Variants in ATP5PF observed in about 807,000 individuals in gnomAD.
The protein encoded by ATP5PF is ATP synthase peripheral stalk subunit F6, mitochondrial.
In ATP5PF, 7 loss-of-function variants were observed where a neutral mutation model predicts 12.0. That is an observed-to-expected ratio of 0.58 (90% CI 0.33 to 1.10). The LOEUF (loss-of-function observed/expected upper bound fraction) is 1.10, where lower values mean the gene tolerates loss of function less well. ATP5PF is among the 50% of genes least tolerant of loss of function. The probability of loss-of-function intolerance (pLI) is 0.03; values close to 1 mark genes in which losing one functional copy is unlikely to be tolerated. For synonymous variants in ATP5PF, 41 were observed against 45.4 expected, an observed-to-expected ratio of 0.90 and a Z score of 0.39; for missense variants, 120 against 127.7, an observed-to-expected ratio of 0.94 and a Z score of 0.29.
intron 3 of ATP5PF, chr21:25,725,016 A>G (rs2034578519): frequency 1.5e-6 from 1 of 664,296 alleles, no homozygotes; most frequent in African/African-American, 1.9e-5. Flanking sequence ...TCGATTTCAG[A>G]TCCCCACCAT....
upstream of ATP5PF, chr21:25,735,272 CTG>C (rs1454447852): frequency 2.2e-5 from 10 of 448,588 alleles, no homozygotes; most frequent in Non-Finnish European, 3.3e-5. Flanking sequence ...GAAAGTGAGA[CTG>C]TGTAAAACAA....
intron 1 of ATP5PF, 44 bp from the exon 2 acceptor site, chr21:25,729,845 T>A: frequency 2.5e-6 from 4 of 1,576,932 alleles, no homozygotes; most frequent in Non-Finnish European, 3.5e-6. Flanking sequence ...ATACTTATTA[T>A]AAATCACCTC....
intron 2 of ATP5PF, among the ~76,000 whole-genome samples, chr21:25,728,587 C>A (rs778892850): frequency 2.6e-4 from 40 of 152,128 alleles, no homozygotes; most frequent in Non-Finnish European, 4.6e-4. Context: ...CTGAAGGCCT[C>A]CTGTGGGTTT....
At chr21:25,726,976 T>C (rs780335029) in intron 2 of ATP5PF, among the ~76,000 whole-genome samples, 3 of 152,268 alleles carry the variant, frequency 2.0e-5, no homozygotes, top group Non-Finnish European at 4.4e-5. Context: ...TCTTTTAGAT[T>C]AGCACTGTCC....
chr21:25,731,558 C>CTTT (rs901459950), intron 1 of ATP5PF, among the ~76,000 whole-genome samples: 1 of 142,392 alleles, frequency 7.0e-6, no homozygotes. Flanking sequence ...CTAATTTTTA[C>CTTT]TTTTTTTTTT....
At chr21:25,735,524 G>C (rs2035012632), upstream of ATP5PF, 1 of 153,644 alleles carries the variant, frequency 6.5e-6, no homozygotes. Context: ...CGCCGCTGCC[G>C]TTCTCAGCCG....
At chr21:25,729,942 TCTC>T (rs1229918276) in intron 1 of ATP5PF, 141 bp from the exon 2 acceptor site, 8 of 972,356 alleles carry the variant, frequency 8.2e-6, no homozygotes, top group Admixed American at 3.0e-5. Flanking sequence ...ACAGTTCCCT[TCTC>T]CTCCTTATTC....
At chr21:25,733,514 G>A (rs1286954048) in intron 1 of ATP5PF, among the ~76,000 whole-genome samples, 7 of 151,796 alleles carry the variant, frequency 4.6e-5, no homozygotes, top group South Asian at 4.2e-4. Context: ...GCGACAGAGC[G>A]AGACTCTGTC....
rs368172603 is a variant in ATP5PF, at chr21:25,729,697, T to C, written c.98A>G (p.Asn33Ser). The change falls in exon 2 of 4, where the codon AAT becomes AGT. Residue 33 changes from asparagine (N) to serine (S), a missense_variant. Transcript: ENST00000284971. Reference protein sequence around the residue: ...RNIGVTAVAFNKELDPIQKLF... With the variant: ...RNIGVTAVAFSKELDPIQKLF... The stretch of plus-strand genomic sequence containing the variant: ...TTTCTGTATAGGATCAAGTTCCTTA[T>C]TAAATGCCACTGCTGTAACACCAAT... 1 of 1,613,982 alleles carries C rather than the reference T, an allele frequency of 6.2e-7. No homozygotes were observed. Among genetic ancestry groups the C allele is most frequent in the Non-Finnish European group, 8.5e-7 (1 of 1,179,984 alleles).
chr21:25,732,939 G>C (rs7280688), intron 1 of ATP5PF, among the ~76,000 whole-genome samples: 3 of 119,270 alleles, frequency 2.5e-5, no homozygotes, highest in African/African-American at 9.4e-5. Flanking sequence ...CCGAGATCGC[G>C]CCACTGCACT....
At chr21:25,731,246 GA>G (rs1262493138) in intron 1 of ATP5PF, among the ~76,000 whole-genome samples, 1 of 150,822 alleles carries the variant, frequency 6.6e-6, no homozygotes, top group African/African-American at 2.4e-5. Flanking sequence ...GTCTCAAAAA[GA>G]AAAAAAAGGA....
upstream of ATP5PF, chr21:25,735,090 CT>C (rs2034983367): frequency 5.9e-6 from 5 of 844,468 alleles, no homozygotes; most frequent in Middle Eastern, 2.2e-4. Flanking sequence ...TCCGGGTCCC[CT>C]GGCACAGCCT....
chr21:25,733,666 C>G (rs1001226740), intron 1 of ATP5PF, among the ~76,000 whole-genome samples: 1 of 152,166 alleles, frequency 6.6e-6, no homozygotes, highest in Non-Finnish European at 1.5e-5. Flanking sequence ...TAGGTTCACC[C>G]GACATTTGCT....
rs76970087 is a variant in ATP5PF, at chr21:25,727,817, T to C, written c.164+1814A>G. Among the ~76,000 whole-genome samples, 258 of 152,360 alleles carry C rather than the reference T, an allele frequency of 1.7e-3. 7 individuals carry two copies. The East Asian group carries it at 0.037, about 22-fold the overall frequency. ...ATCTGGTTACTTAACAGTATGATTT[T>C]TGGCAAATTCTAACTTTCAGCCTTG... On this transcript the variant is annotated intron_variant, in intron 2 of 3. Coordinates refer to ENST00000284971, the MANE Select transcript of ATP5PF (RefSeq NM_001003703.2).
chr21:25,727,371 G>A (rs1455272801), intron 2 of ATP5PF, among the ~76,000 whole-genome samples: 1 of 152,160 alleles, frequency 6.6e-6, no homozygotes, highest in Non-Finnish European at 1.5e-5. Flanking sequence ...TGATGCCTAG[G>A]ACAAAGCAGT....
chr21:25,725,155 A>C, intron 3 of ATP5PF, 71 bp downstream of exon 3: 1 of 1,530,464 alleles, frequency 6.5e-7, no homozygotes, highest in East Asian at 2.3e-5. Context: ...CAGTTCTCTA[A>C]AAATCCAGGT....
At chr21:25,728,286 G>A (rs1388010515) in intron 2 of ATP5PF, among the ~76,000 whole-genome samples, 2 of 152,106 alleles carry the variant, frequency 1.3e-5, no homozygotes, top group South Asian at 2.1e-4. Context: ...TCTCACAAAT[G>A]CCTACCACAT....
chr21:25,728,503 A>T (rs1274473403), intron 2 of ATP5PF, among the ~76,000 whole-genome samples: 1 of 152,066 alleles, frequency 6.6e-6, no homozygotes, highest in Admixed American at 6.6e-5. Context: ...CTCTCCTCTT[A>T]CCCTCATTTA....
upstream of ATP5PF, chr21:25,735,186 C>T (rs1284470071): frequency 3.3e-6 from 2 of 602,328 alleles, no homozygotes; most frequent in Non-Finnish European, 3.0e-6. Flanking sequence ...CTTTGAGTGG[C>T]CTTTCCCCTA....
Sources: allele counts gnomAD v4.1 joint callset (sites outside exome capture counted in the v4.1 genomes callset), GRCh38; gene constraint gnomAD v4.1.1; transcripts MANE v1.5; gene names NCBI Gene and HGNC (gene_info 2026-07-23, HGNC 2026-07-21).